Variants in SPRED2 observed in about 807,000 individuals in gnomAD.
SPRED2 encodes sprouty-related, EVH1 domain-containing protein 2.
In SPRED2, 47 loss-of-function variants were observed where a neutral mutation model predicts 43.0. That is an observed-to-expected ratio of 1.09 (90% CI 0.87 to 1.40). SPRED2 has a LOEUF of 1.40. Among genes scored for constraint, SPRED2 ranks in the 40% most tolerant of loss-of-function variants. SPRED2 has a pLI of 0.00. For synonymous variants in SPRED2, 225 were observed against 225.7 expected (o/e 1.00, Z 0.03); for missense variants, 561 against 586.4 (o/e 0.96, Z 0.45).
chr2:65,313,200 G>A lies in SPRED2; in HGVS notation c.*301C>T. The stretch of plus-strand genomic sequence containing the variant: ...AAACAGGAAATCAACACATGGATGA[G>A]ACAGTTAGCTTGGTTACAGATTGTT... On this transcript the variant is annotated 3_prime_UTR_variant, in exon 6 of 6. Coordinates refer to ENST00000356388, the MANE Select transcript of SPRED2 (RefSeq NM_181784.3). 9.0e-7 allele frequency: 1 copy of A among 1,109,470 alleles called. No homozygotes were observed. The highest frequency in any genetic ancestry group is 1.1e-6 in the Non-Finnish European group (1 of 909,598). The allele number at this position is 1,109,470 out of a possible 1,614,324, so 68.7% of individuals were successfully genotyped here.
chr2:65,377,462 T>C (rs1038725621), intron 1 of SPRED2, among the ~76,000 whole-genome samples: 1 of 152,216 alleles, frequency 6.6e-6, no homozygotes, highest in African/African-American at 2.4e-5. Flanking sequence ...TATCCTCCTC[T>C]TGCCGACCCC....
intron 1 of SPRED2, among the ~76,000 whole-genome samples, chr2:65,395,929 A>C (rs939241918): frequency 3.3e-5 from 5 of 151,996 alleles, no homozygotes; most frequent in Admixed American, 2.0e-4. Flanking sequence ...CCTAAACTTT[A>C]TCTCTTCAAA....
intron 1 of SPRED2, among the ~76,000 whole-genome samples, chr2:65,408,997 C>CA (rs2103753930): frequency 6.6e-6 from 1 of 152,308 alleles, no homozygotes; most frequent in African/African-American, 2.4e-5. Context: ...TCAAAAGTCA[C>CA]AGATGTCATT....
intron 1 of SPRED2, among the ~76,000 whole-genome samples, chr2:65,392,167 C>T (rs1675652136): frequency 6.7e-6 from 1 of 148,210 alleles, no homozygotes; most frequent in South Asian, 2.1e-4. Context: ...TCATTTCTTC[C>T]AGAATTTCTT....
chr2:65,354,298 CTG>C (rs1371586262), intron 1 of SPRED2, among the ~76,000 whole-genome samples: 1 of 152,184 alleles, frequency 6.6e-6, no homozygotes, highest in African/African-American at 2.4e-5. Flanking sequence ...TCTATATGGA[CTG>C]TAAATAGAAG....
chr2:65,378,756 G>A (rs1353695125), intron 1 of SPRED2, among the ~76,000 whole-genome samples: 1 of 152,210 alleles, frequency 6.6e-6, no homozygotes, highest in East Asian at 1.9e-4. Flanking sequence ...AAATGTGGCT[G>A]CACACTGGAA....
At chr2:65,346,603 A>AG (rs1674357854) in intron 1 of SPRED2, among the ~76,000 whole-genome samples, 1 of 152,044 alleles carries the variant, frequency 6.6e-6, no homozygotes, top group Non-Finnish European at 1.5e-5. Context: ...ACCTCATATA[A>AG]GTTCCTTTCC....
intron 1 of SPRED2, among the ~76,000 whole-genome samples, chr2:65,383,142 A>G (rs777357824): frequency 6.6e-6 from 1 of 152,190 alleles, no homozygotes; most frequent in Non-Finnish European, 1.5e-5. Flanking sequence ...GTAAGCACAA[A>G]AAGTAGGAGA....
chr2:65,402,198 G>C (rs1393173709), intron 1 of SPRED2, among the ~76,000 whole-genome samples: 1 of 138,794 alleles, frequency 7.2e-6, no homozygotes, highest in Non-Finnish European at 1.5e-5. Flanking sequence ...AGAATCACTT[G>C]AGCCCGGGAG....
chr2:65,421,117 G>A (rs1420819009), intron 1 of SPRED2, among the ~76,000 whole-genome samples: 3 of 151,966 alleles, frequency 2.0e-5, no homozygotes, highest in African/African-American at 7.3e-5. Context: ...TGGATCTCAT[G>A]GGCCTCCTAG....
chr2:65,324,444 G>C (rs1044758462), intron 4 of SPRED2, among the ~76,000 whole-genome samples: 3 of 152,130 alleles, frequency 2.0e-5, no homozygotes, highest in African/African-American at 7.2e-5. Context: ...GTTTGGGTGG[G>C]AATCAGCCTG....
At chr2:65,337,589 C>T (rs1222425733) in intron 2 of SPRED2, among the ~76,000 whole-genome samples, 1 of 152,210 alleles carries the variant, frequency 6.6e-6, no homozygotes, top group Non-Finnish European at 1.5e-5. Context: ...TTTACATATA[C>T]ACAGGTAAGT....
intron 1 of SPRED2, among the ~76,000 whole-genome samples, chr2:65,397,041 C>CT (rs889911418): frequency 5.3e-5 from 8 of 151,756 alleles, no homozygotes; most frequent in African/African-American, 1.9e-4. Context: ...CCAAATTCTT[C>CT]TTTTAAATAA....
At chr2:65,328,408 A>G (rs762581361) in intron 4 of SPRED2, among the ~76,000 whole-genome samples, 7 of 152,238 alleles carry the variant, frequency 4.6e-5, no homozygotes, top group Non-Finnish European at 8.8e-5. Context: ...GGCAGCAAGC[A>G]GTTTACGGGC....
intron 1 of SPRED2, among the ~76,000 whole-genome samples, chr2:65,411,324 C>A (rs889061790): frequency 1.3e-5 from 2 of 152,148 alleles, no homozygotes; most frequent in African/African-American, 4.8e-5. Flanking sequence ...CCTAACATTG[C>A]TGTGATATCC....
chr2:65,352,780 C>G (rs35749233), intron 1 of SPRED2, among the ~76,000 whole-genome samples: 1 of 151,966 alleles, frequency 6.6e-6, no homozygotes, highest in African/African-American at 2.4e-5. Flanking sequence ...TGCTCCAACA[C>G]GCCCAGCTAA....
intron 4 of SPRED2, among the ~76,000 whole-genome samples, chr2:65,324,645 C>T (rs557956873): frequency 2.6e-5 from 4 of 152,176 alleles, no homozygotes; most frequent in Non-Finnish European, 5.9e-5. Flanking sequence ...CTCACACGCC[C>T]TGGGTCCAAG....
chr2:65,397,976 T>C (rs951575409), intron 1 of SPRED2, among the ~76,000 whole-genome samples: 9 of 152,224 alleles, frequency 5.9e-5, no homozygotes, highest in African/African-American at 2.2e-4. Context: ...ACCTATTACC[T>C]GATTCCAAAC....
At chr2:65,310,333 C>T (rs1673034860), downstream of SPRED2, among the ~76,000 whole-genome samples, 1 of 152,120 alleles carries the variant, frequency 6.6e-6, no homozygotes, top group Non-Finnish European at 1.5e-5. Flanking sequence ...GGGATTGTCA[C>T]TGTAGCTCTG....
Sources: allele counts gnomAD v4.1 joint callset (sites outside exome capture counted in the v4.1 genomes callset), GRCh38; gene constraint gnomAD v4.1.1; transcripts MANE v1.5; gene names NCBI Gene and HGNC (gene_info 2026-07-23, HGNC 2026-07-21).